Variants in ABCB5 observed in about 807,000 individuals in gnomAD.
The protein encoded by ABCB5 is ATP-binding cassette sub-family B member 5.
In ABCB5, 155 loss-of-function variants were observed where a neutral mutation model predicts 144.2. That is an observed-to-expected ratio of 1.08 (90% confidence interval 0.94 to 1.23). ABCB5 has a LOEUF of 1.23. ABCB5 is among the 50% of genes most tolerant of loss of function. ABCB5 has a pLI of 0.00. For synonymous variants in ABCB5, 610 were observed against 528.6 expected (o/e 1.15, Z -2.11); for missense variants, 1,830 against 1,520.8 (o/e 1.20, Z -3.38).
At chr7:20,616,478 G>C (rs1783687809) in intron 1 of ABCB5, among the ~76,000 whole-genome samples, 1 of 152,154 alleles carries the variant, frequency 6.6e-6, no homozygotes, top group African/African-American at 2.4e-5. Flanking sequence ...TTTGTCCTAT[G>C]ATTTCCATCT....
In ABCB5 at chr7:20,703,922, G is replaced by A. The variant is rs149991081; in HGVS notation, c.2338-802G>A. Reference sequence around the variant, plus strand: ...TTCTGCCCTTTTAGCTTCTCACAACGCCCATTGCTGTAAGTTCTAGGAGGT... The same window carrying A: ...TTCTGCCCTTTTAGCTTCTCACAACACCCATTGCTGTAAGTTCTAGGAGGT... On this transcript the variant is annotated intron_variant, in intron 19 of 27. Coordinates refer to ENST00000404938, the MANE Select transcript of ABCB5 (RefSeq NM_001163941.2). Among the ~76,000 whole-genome samples, 93 of 152,048 alleles carry A rather than the reference G, an allele frequency of 6.1e-4. 1 individual carries two copies. The East Asian group carries it at 0.017, about 27-fold the overall frequency.
At chr7:20,688,917 C>T (rs13234112) in intron 16 of ABCB5, among the ~76,000 whole-genome samples, 3,493 of 151,180 alleles carry the variant, frequency 0.023, 57 homozygotes, top group Admixed American at 0.045. Flanking sequence ...AATTGAACAA[C>T]GAGAACACTT....
At chr7:20,629,142 C>CTGTGTGTGTG (rs1486662796) in intron 4 of ABCB5, among the ~76,000 whole-genome samples, 3 of 41,694 alleles carry the variant, frequency 7.2e-5, no homozygotes, top group Admixed American at 2.6e-4. Context: ...GAGAGAGAGA[C>CTGTGTGTGTG]TGCGTGTGTG....
rs1352953771 is a variant in ABCB5 at position 20,646,120 on chromosome 7, C to T, written c.963C>T (p.Thr321=). The change falls in exon 9 of 28, where the codon ACC becomes ACT. Residue 321 remains threonine (T), a synonymous_variant. Transcript: ENST00000404938. ...SLILNGEPGY[T]IGTVLAVFFS... Reference sequence around the variant, plus strand: ...TTCTTAATGGAGAACCTGGATATACCATCGGGACTGTTCTTGCTGTAAGTC... The same window carrying T: ...TTCTTAATGGAGAACCTGGATATACTATCGGGACTGTTCTTGCTGTAAGTC... The T allele has an allele frequency of 1.3e-5, 21 of 1,612,998 alleles. No individual in the cohort carries two copies. The highest frequency in any genetic ancestry group is 1.7e-5 in the Non-Finnish European group (20 of 1,179,580).
At position 20,739,117 on chromosome 7, in the gene ABCB5, G is replaced by T. The variant is rs528761902; in HGVS notation, c.3002G>T (p.Arg1001Leu). 1.2e-6 allele frequency: 2 copies of T among 1,604,702 alleles called. No individual in the cohort carries two copies. Among genetic ancestry groups the T allele is most frequent in the Non-Finnish European group, 1.7e-6 (2 of 1,175,604 alleles). Residue 1001 changes from arginine to leucine, a missense_variant, in exon 24 of 28, where the codon CGC (arginine) becomes CTC (leucine). By Grantham distance (102) the Arg-to-Leu change is moderately radical. Coordinates refer to ENST00000404938, the MANE Select transcript of ABCB5 (RefSeq NM_001163941.2). ...GAAAAGAAACCAAATATAGACAGCC[G>T]CAGTCAAGAAGGGAAAAAGCCAGTA... is the stretch of plus-strand genomic sequence containing the variant. ...LLEKKPNIDS[R>L]SQEGKKPDTC...
At chr7:20,726,603 G>A (rs1407938804) in intron 21 of ABCB5, among the ~76,000 whole-genome samples, 1 of 152,100 alleles carries the variant, frequency 6.6e-6, no homozygotes, top group African/African-American at 2.4e-5. Context: ...CTGGCCTCAA[G>A]TAATCGGCCC....
At position 20,755,407 on chromosome 7, in the gene ABCB5, C is replaced by T; in HGVS notation, c.3577-20C>T. On this transcript the variant is annotated intron_variant, in intron 27 of 27. Coordinates refer to ENST00000404938, the MANE Select transcript of ABCB5 (RefSeq NM_001163941.2). Reference sequence around the variant, plus strand: ...AACATCTAACTCAAACTGGTGATCACAGGTCTTTCTCTCTTCCAGGTGGTT... The same window carrying T: ...AACATCTAACTCAAACTGGTGATCATAGGTCTTTCTCTCTTCCAGGTGGTT... 1.2e-6 allele frequency: 2 copies of T among 1,611,742 alleles called. No individual in the cohort carries two copies. Among genetic ancestry groups the T allele is most frequent in the Non-Finnish European group, 1.7e-6 (2 of 1,178,122 alleles).
chr7:20,672,204 A>T (rs1785472698), intron 14 of ABCB5, among the ~76,000 whole-genome samples: 1 of 152,174 alleles, frequency 6.6e-6, no homozygotes, highest in Non-Finnish European at 1.5e-5. Context: ...ATTTCTGGAT[A>T]CAAGTATTTT....
chr7:20,716,881 C>G (rs1227771420), intron 20 of ABCB5, among the ~76,000 whole-genome samples: 1 of 152,104 alleles, frequency 6.6e-6, no homozygotes, highest in Non-Finnish European at 1.5e-5. Flanking sequence ...AATTCTAAAG[C>G]GTGCCGAACC....
chr7:20,704,090 T>TTTTTTTTTTTTTTTTTTTTTTG (rs1368236813), intron 19 of ABCB5, among the ~76,000 whole-genome samples: 1 of 132,066 alleles, frequency 7.6e-6, no homozygotes, highest in African/African-American at 2.7e-5. Flanking sequence ...TTTTTTTTTT[T>TTTTTTTTTTTTTTTTTTTTTTG]TGTGAGACAG....
chr7:20,657,463 A>T (rs897008155), intron 13 of ABCB5, among the ~76,000 whole-genome samples: 6 of 152,256 alleles, frequency 3.9e-5, no homozygotes, highest in African/African-American at 1.2e-4. Flanking sequence ...TGAACAACTG[A>T]TACAACATGG....
intron 14 of ABCB5, among the ~76,000 whole-genome samples, chr7:20,661,151 A>G (rs1244216107): frequency 1.3e-5 from 2 of 152,180 alleles, no homozygotes; most frequent in Non-Finnish European, 2.9e-5. Context: ...AAATCATCCA[A>G]TAACTCCCCA....
At chr7:20,736,361 G>T (rs1045808910) in intron 23 of ABCB5, among the ~76,000 whole-genome samples, 1 of 152,090 alleles carries the variant, frequency 6.6e-6, no homozygotes, top group Non-Finnish European at 1.5e-5. Flanking sequence ...AGCATTACAG[G>T]TGTGTGCCAA....
intron 20 of ABCB5, among the ~76,000 whole-genome samples, chr7:20,721,985 A>T (rs1434533458): frequency 1.3e-5 from 2 of 152,250 alleles, no homozygotes; most frequent in African/African-American, 4.8e-5. Flanking sequence ...GCATGTATGT[A>T]AAACTGGTAC....
At chr7:20,755,064 C>T (rs1260820326) in intron 27 of ABCB5, among the ~76,000 whole-genome samples, 1 of 152,150 alleles carries the variant, frequency 6.6e-6, no homozygotes, top group African/African-American at 2.4e-5. Flanking sequence ...ATTGTCCTGC[C>T]TCAGCCTCCC....
chr7:20,651,600 G>A lies in ABCB5; in HGVS notation c.1513G>A (p.Asp505Asn). The A allele has an allele frequency of 6.2e-7, 1 of 1,614,100 alleles. No homozygotes were observed. Among genetic ancestry groups the A allele is most frequent in the Non-Finnish European group, 8.5e-7 (1 of 1,179,980 alleles). The change falls in exon 13 of 28, where the codon GAT becomes AAT. Residue 505 changes from aspartate (D) to asparagine (N), a missense_variant. Coordinates refer to ENST00000404938, the MANE Select transcript of ABCB5 (RefSeq NM_001163941.2). ...AGCAGCAAGGGAAGCAAATGCGTAT[G>A]ATTTTATCATGGAGTTTCCTAATGT... is the stretch of plus-strand genomic sequence containing the variant. ...ERAAREANAY[D>N]FIMEFPNKFN...
chr7:20,616,588 A>G (rs1783690494), intron 1 of ABCB5, among the ~76,000 whole-genome samples: 1 of 152,216 alleles, frequency 6.6e-6, no homozygotes, highest in African/African-American at 2.4e-5. Context: ...AGTACTTGCC[A>G]TGATAGCATC....
chr7:20,643,382 G>A lies in ABCB5; in HGVS notation c.506+7G>A, dbSNP rs1313813969. 3 of 1,613,766 alleles carry A rather than the reference G, an allele frequency of 1.9e-6. No homozygotes were observed. The highest frequency in any genetic ancestry group is 1.7e-6 in the Non-Finnish European group (2 of 1,179,684). ...TTAACACTCGCATGACAGAGTAAGA[G>A]GATGATATTGTAGTACGTTAGCTTT... On this transcript the variant is annotated splice_region_variant and intron_variant, in intron 6 of 27. Transcript: ENST00000404938.
At position 20,647,529 on chromosome 7, in the gene ABCB5, C is replaced by T; in HGVS notation, c.982-6C>T. On this transcript the variant is annotated splice_region_variant and splice_polypyrimidine_tract_variant and intron_variant, in intron 9 of 27. Transcript: ENST00000404938. ...AAGATAAATATCACTTTGTTTGTTC[C>T]TGTAGGTTTTCTTTAGTGTAATCCA... 1 of 1,547,384 alleles carries T rather than the reference C, an allele frequency of 6.5e-7. No homozygotes were observed. Among genetic ancestry groups the T allele is most frequent in the South Asian group, 1.2e-5 (1 of 80,646 alleles).
Sources: allele counts gnomAD v4.1 joint callset (sites outside exome capture counted in the v4.1 genomes callset), GRCh38; gene constraint gnomAD v4.1.1; transcripts MANE v1.5; gene names NCBI Gene and HGNC (gene_info 2026-07-23, HGNC 2026-07-21).